Variants in PREX1 observed in about 807,000 individuals in gnomAD.
The protein encoded by PREX1 is phosphatidylinositol-3,4,5-trisphosphate dependent Rac exchange factor 1, also known as phosphatidylinositol 3,4,5-trisphosphate-dependent Rac exchanger 1 protein.
Under a neutral mutation model 198.3 loss-of-function variants are expected in PREX1, and 41 were observed. The ratio of observed to expected loss-of-function variants is 0.21; its 90% confidence interval spans 0.16 to 0.27. The LOEUF is 0.27. Ranked by LOEUF, PREX1 falls within the 10% of genes least tolerant of loss-of-function variation. The pLI, the probability that PREX1 is intolerant of heterozygous loss-of-function variation, is 1.00. For synonymous variants in PREX1, 843 were observed against 887.2 expected (o/e 0.95, Z 0.89); for missense variants, 1,620 against 2,200.7 (o/e 0.74, Z 5.28).
At chr20:48,783,345 T>A (rs1403967397) in intron 1 of PREX1, among the ~76,000 whole-genome samples, 3 of 151,704 alleles carry the variant, frequency 2.0e-5, no homozygotes, top group African/African-American at 4.8e-5. Flanking sequence ...CCTGAGCAAG[T>A]GGAAGAATGG....
chr20:48,649,650 A>G (rs1420319742), intron 24 of PREX1, 74 bp from the exon 25 acceptor site: 1 of 1,458,568 alleles, frequency 6.9e-7, no homozygotes, highest in Non-Finnish European at 9.2e-7. Flanking sequence ...GGAACAATAC[A>G]AACCCATTTC....
At chr20:48,841,147 T>G in the PREX1 span, among the ~76,000 whole-genome samples, 1 of 152,062 alleles carries the variant, frequency 6.6e-6, no homozygotes, top group South Asian at 2.1e-4. Flanking sequence ...TCCCAAACTC[T>G]TGGCCTCAAG....
At chr20:48,648,876 G>A (rs1034770153) in intron 25 of PREX1, among the ~76,000 whole-genome samples, 2 of 152,204 alleles carry the variant, frequency 1.3e-5, no homozygotes, top group East Asian at 1.9e-4. Context: ...CAAGAGCCTC[G>A]TGGGCGGGGC....
Position 48,684,810 on chromosome 20 carries a change from C to T in PREX1, c.1335-3475G>A, listed in dbSNP as rs1223736995. On this transcript the variant is annotated intron_variant, in intron 10 of 39. Coordinates refer to ENST00000371941, the MANE Select transcript of PREX1 (RefSeq NM_020820.4). The surrounding 1 kb of genome is among the most constrained non-coding windows in gnomAD (Gnocchi z 4.2). ...CACATCTCCTGCCCCTCTGACCACT[C>T]AGGCTCCAGCCACAATGGCCTCCTC... Among the ~76,000 whole-genome samples, 1 of 152,212 alleles carries T rather than the reference C, an allele frequency of 6.6e-6. No individual in the cohort carries two copies. Among genetic ancestry groups the T allele is most frequent in the Non-Finnish European group, 1.5e-5 (1 of 68,034 alleles).
the PREX1 span, among the ~76,000 whole-genome samples, chr20:48,833,279 T>C: frequency 6.6e-6 from 1 of 152,178 alleles, no homozygotes; most frequent in Non-Finnish European, 1.5e-5. Context: ...TCTAACTAAC[T>C]GAAGGTGCAA....
Position 48,634,681 on chromosome 20 carries a change from A to G in PREX1, c.4262T>C (p.Val1421Ala). 6.2e-7 allele frequency: 1 copy of G among 1,614,082 alleles called. No individual in the cohort carries two copies. The highest frequency in any genetic ancestry group is 8.5e-7 in the Non-Finnish European group (1 of 1,179,916). Residue 1421 changes from valine to alanine, a missense_variant, in exon 33 of 40, where the codon GTG becomes GCG. Val to Ala is a moderately conservative substitution (Grantham distance 64, BLOSUM62 0). This residue lies in a region of PREX1 where 476 missense variants were observed against 603.4 expected (regional missense o/e 0.79). Transcript: ENST00000371941. ...GGATGGGAGAAATCACTCACTGGCC[A>G]CATAGTTCTCGTCCAGCTGCTTAAA... ...FSFKQLDENY[V>A]ANTNVFYHIE...
the PREX1 span, among the ~76,000 whole-genome samples, chr20:48,835,292 G>A: frequency 1.3e-5 from 2 of 152,184 alleles, no homozygotes; most frequent in African/African-American, 4.8e-5. Context: ...AAACCTCACC[G>A]TGAATGCCTG....
At chr20:48,748,422 G>A (rs1224116635) in intron 1 of PREX1, among the ~76,000 whole-genome samples, 1 of 151,672 alleles carries the variant, frequency 6.6e-6, no homozygotes, top group Non-Finnish European at 1.5e-5. Flanking sequence ...AGTTTCTTGG[G>A]TATTCTTCCA....
chr20:48,669,767 C>T (rs548132264), intron 14 of PREX1, among the ~76,000 whole-genome samples: 32 of 152,286 alleles, frequency 2.1e-4, no homozygotes, highest in Admixed American at 1.9e-3. Flanking sequence ...GGCACACAGG[C>T]AGCATTTGAT....
At chr20:48,809,018 C>G (rs1424046234) in intron 1 of PREX1, among the ~76,000 whole-genome samples, 1 of 152,200 alleles carries the variant, frequency 6.6e-6, no homozygotes, top group Non-Finnish European at 1.5e-5. Flanking sequence ...TTCTGAGCCT[C>G]TGCTTCCTCA....
At chr20:48,639,053 C>T (rs1459100752) in intron 30 of PREX1, among the ~76,000 whole-genome samples, 5 of 152,254 alleles carry the variant, frequency 3.3e-5, no homozygotes, top group African/African-American at 1.2e-4. Flanking sequence ...ACATCTCCCT[C>T]GTCCGGATCC....
intron 17 of PREX1, 96 bp downstream of exon 17, chr20:48,658,040 G>C (rs1425307713): frequency 1.4e-4 from 167 of 1,213,998 alleles, no homozygotes; most frequent in South Asian, 3.0e-4. Context: ...GATCATTCCA[G>C]AATCTCCTGG....
chr20:48,862,195 C>T, the PREX1 span, among the ~76,000 whole-genome samples: 3 of 151,744 alleles, frequency 2.0e-5, no homozygotes, highest in African/African-American at 4.8e-5. Context: ...GGCGACAGAG[C>T]GAGACTCTGT....
chr20:48,739,462 T>G (rs538026611), intron 3 of PREX1, among the ~76,000 whole-genome samples: 42 of 152,358 alleles, frequency 2.8e-4, no homozygotes, highest in African/African-American at 1.0e-3. Context: ...GTCCTTTGTT[T>G]TCATTTGCTA....
intron 5 of PREX1, among the ~76,000 whole-genome samples, chr20:48,724,484 C>A (rs1601098080): frequency 6.6e-6 from 1 of 152,218 alleles, no homozygotes; most frequent in East Asian, 1.9e-4. Context: ...CTGCTTATGG[C>A]TGCAACGGCT....
intron 5 of PREX1, among the ~76,000 whole-genome samples, chr20:48,712,470 C>A (rs1043528309): frequency 1.3e-5 from 2 of 152,222 alleles, no homozygotes; most frequent in Admixed American, 1.3e-4. Context: ...ATGGGCACTG[C>A]CACCATATCT....
At chr20:48,871,583 AAC>A in the PREX1 span, among the ~76,000 whole-genome samples, 2 of 13,642 alleles carry the variant, frequency 1.5e-4, no homozygotes, top group East Asian at 1.2e-3. Context: ...AAAAAAAAAA[AAC>A]CATATTTACT....
intron 15 of PREX1, among the ~76,000 whole-genome samples, chr20:48,661,468 T>TATATATATATATATATATATACACAC (rs1373152651): frequency 1.3e-5 from 1 of 76,802 alleles, no homozygotes; most frequent in African/African-American, 1.0e-4. Context: ...TATATATATA[T>TATATATATATATATATATATACACAC]ACACACACAT....
chr20:48,764,100 A>G (rs1415911128), intron 1 of PREX1, among the ~76,000 whole-genome samples: 2 of 152,142 alleles, frequency 1.3e-5, no homozygotes, highest in Non-Finnish European at 2.9e-5. Context: ...TTCCCTGACC[A>G]GCCACTCACT....
Sources: allele counts gnomAD v4.1 joint callset (sites outside exome capture counted in the v4.1 genomes callset), GRCh38; gene constraint gnomAD v4.1.1; regional missense constraint gnomAD v4.1.1; non-coding constraint Gnocchi (gnomAD v3.1); transcripts MANE v1.5; gene names NCBI Gene and HGNC (gene_info 2026-07-23, HGNC 2026-07-21).